The following ZNF563 variants were observed in gnomAD, a reference collection of about 807,000 sequenced individuals.
The protein encoded by ZNF563 is zinc finger protein 563.
ZNF563 carries 39 observed loss-of-function variants against 48.5 expected under a neutral mutation model. The ratio of observed to expected loss-of-function variants is 0.80; its 90% CI spans 0.62 to 1.05. The LOEUF is 1.05. Among genes scored for constraint, ZNF563 ranks in the 50% least tolerant of loss-of-function variants. The pLI, the probability that ZNF563 is intolerant of heterozygous loss-of-function variation, is 0.00. For synonymous variants in ZNF563, 168 were observed against 187.9 expected (o/e 0.89, Z 0.87); for missense variants, 538 against 597.0 (o/e 0.90, Z 1.03).
At chr19:12,324,459 T>C (rs1019924790) in intron 1 of ZNF563, among the ~76,000 whole-genome samples, 12 of 152,192 alleles carry the variant, frequency 7.9e-5, no homozygotes, top group Non-Finnish European at 1.3e-4. Context: ...GGCTCACACC[T>C]GTAATCCCAG....
At chr19:12,331,278 C>T (rs1461783684) in intron 1 of ZNF563, among the ~76,000 whole-genome samples, 3 of 152,142 alleles carry the variant, frequency 2.0e-5, no homozygotes, top group African/African-American at 7.2e-5. Context: ...AGACAAGTCT[C>T]ATTCAAGGGT....
At position 12,322,703 on chromosome 19, in the gene ZNF563, C is replaced by T. The variant is rs1180706223; in HGVS notation, c.12G>A (p.Val4=). MDA[V]AFEDVAVNFT... ...AGTTCACAGCCACATCCTCAAAGGCCACTGCGTCCTGAAACATCCCACATA... is the reference window on the plus strand; with the variant it reads ...AGTTCACAGCCACATCCTCAAAGGCTACTGCGTCCTGAAACATCCCACATA... The change falls in exon 2 of 4, where the codon GTG becomes GTA. Residue 4 remains valine, a synonymous_variant. Transcript: ENST00000293725. The T allele has an allele frequency of 6.2e-7, 1 of 1,603,934 alleles. No homozygotes were observed. Among genetic ancestry groups the T allele is most frequent in the African/African-American group, 1.3e-5 (1 of 74,510 alleles).
intron 3 of ZNF563, among the ~76,000 whole-genome samples, 159 bp downstream of exon 3, chr19:12,321,113 C>T (rs1480027622): frequency 6.6e-6 from 1 of 151,762 alleles, no homozygotes; most frequent in Non-Finnish European, 1.5e-5. Context: ...GCACTCCAGC[C>T]TGGGCAACAG....
At position 12,319,873 on chromosome 19, in the gene ZNF563, T is replaced by C. The variant is rs1006803762; in HGVS notation, c.192-40A>G. ...TAGTACGTTACTAAATAGTTGTTTCTAAATGATTATTTATTTATGTGTATT... is the reference window on the plus strand; with the variant it reads ...TAGTACGTTACTAAATAGTTGTTTCCAAATGATTATTTATTTATGTGTATT... On this transcript the variant is annotated intron_variant, in intron 3 of 3. Coordinates refer to ENST00000293725, the MANE Select transcript of ZNF563 (RefSeq NM_145276.3). 4 of 1,542,182 alleles carry C rather than the reference T, an allele frequency of 2.6e-6. No individual in the cohort carries two copies. The African/African-American group carries it at 5.5e-5, about 21-fold the overall frequency.
In ZNF563 at chr19:12,323,895, G is replaced by T. The variant is rs114120378; in HGVS notation, c.4-1184C>A. On this transcript the variant is annotated intron_variant, in intron 1 of 3. Coordinates refer to ENST00000293725, the MANE Select transcript of ZNF563 (RefSeq NM_145276.3). Reference sequence around the variant, plus strand: ...TAAGCATGACAAATAAATAATAAAAGATATTTCACCATCCCAATGGAAAAT... The same window carrying T: ...TAAGCATGACAAATAAATAATAAAATATATTTCACCATCCCAATGGAAAAT... Among the ~76,000 whole-genome samples, 586 of 152,218 alleles carry T rather than the reference G, an allele frequency of 3.8e-3. 8 individuals carry two copies. Among genetic ancestry groups the T allele is most frequent in the African/African-American group, 0.013 (556 of 41,538 alleles).
chr19:12,343,464 C>T, the ZNF563 span, among the ~76,000 whole-genome samples: 1 of 151,944 alleles, frequency 6.6e-6, no homozygotes, highest in Admixed American at 6.6e-5. Context: ...ATAGCAGGAC[C>T]CTGTCTTTAA....
At chr19:12,323,591 A>G (rs952999192) in intron 1 of ZNF563, among the ~76,000 whole-genome samples, 4 of 152,366 alleles carry the variant, frequency 2.6e-5, no homozygotes, top group Non-Finnish European at 5.9e-5. Flanking sequence ...CCAGATGCCC[A>G]GCCTTAACCT....
At chr19:12,321,411 C>A in intron 2 of ZNF563, 79 bp from the exon 3 acceptor site, 1 of 861,974 alleles carries the variant, frequency 1.2e-6, no homozygotes, top group East Asian at 3.2e-5. Flanking sequence ...ATACTGCAAT[C>A]ATACATGATT....
chr19:12,329,552 C>T lies in ZNF563; in HGVS notation c.3+3928G>A, dbSNP rs544841999. ...GAAAAGATCTGTAAAACTGATAAGC[C>T]GACAGCATAGTTAACACAGAAAAAA... On this transcript the variant is annotated intron_variant, in intron 1 of 3. Coordinates refer to ENST00000293725, the MANE Select transcript of ZNF563 (RefSeq NM_145276.3). Among the ~76,000 whole-genome samples the T allele has an allele frequency of 9.2e-5, 14 of 151,740 alleles. 2 individuals carry two copies. Among genetic ancestry groups the T allele is most frequent in the Admixed American group, 8.5e-4 (13 of 15,236 alleles).
At chr19:12,322,905 A>G (rs1000963585) in intron 1 of ZNF563, among the ~76,000 whole-genome samples, 194 bp from the exon 2 acceptor site, 1 of 152,236 alleles carries the variant, frequency 6.6e-6, no homozygotes, top group Non-Finnish European at 1.5e-5. Flanking sequence ...CATGTTTGGT[A>G]AAGTTACAGT....
At chr19:12,336,547 G>A (rs1316877315), upstream of ZNF563, among the ~76,000 whole-genome samples, 5 of 152,192 alleles carry the variant, frequency 3.3e-5, no homozygotes, top group African/African-American at 7.2e-5. Context: ...AGCTAAGATC[G>A]CACCATTGTA....
chr19:12,329,654 ATTT>A (rs1327140781), intron 1 of ZNF563, among the ~76,000 whole-genome samples: 1 of 152,126 alleles, frequency 6.6e-6, no homozygotes, highest in Non-Finnish European at 1.5e-5. Context: ...ATGCCCACAT[ATTT>A]GATAAATTAC....
chr19:12,325,469 C>CAA lies in ZNF563; in HGVS notation c.4-2760_4-2759dup, dbSNP rs36079909. ...TGGGCAATAGAGCAAGACTCCATCT[C>CAA]AAAAAAAAAAAAAAAAAAGACATAC... On this transcript the variant is annotated intron_variant, in intron 1 of 3. Transcript: ENST00000293725. Among the ~76,000 whole-genome samples the CAA allele has an allele frequency of 8.0e-3, 668 of 83,302 alleles. 7 individuals carry two copies. Among genetic ancestry groups the CAA allele is most frequent in the Middle Eastern group, 0.013 (2 of 160 alleles). The allele number at this position is 83,302 out of a possible 152,430, so 54.6% of individuals were successfully genotyped here. A position where few individuals can be genotyped will look rare whatever the true frequency, so the allele number is the denominator to read the frequency against.
the ZNF563 span, among the ~76,000 whole-genome samples, chr19:12,344,440 C>T: frequency 6.6e-6 from 1 of 151,172 alleles, no homozygotes; most frequent in Non-Finnish European, 1.5e-5. Context: ...TGTAATGTAC[C>T]ACATTAACGA....
chr19:12,318,862 G>A lies in ZNF563; in HGVS notation c.1163C>T (p.Thr388Ile). Residue 388 changes from threonine to isoleucine, a missense_variant, in exon 4 of 4, where the codon ACT (threonine) becomes ATT (isoleucine). Physicochemically the swap from Thr to Ile is moderately conservative, Grantham distance 89. Transcript: ENST00000293725. Reference sequence around the variant, plus strand: ...CTTGCATTTATGAGGTCCACCTCCAGTGTGCATTATCATGTGTCTTCGAAA... The same window carrying A: ...CTTGCATTTATGAGGTCCACCTCCAATGTGCATTATCATGTGTCTTCGAAA... Reference protein sequence around the residue: ...SSFRRHMIMHTGGGPHKCKIC... With the variant: ...SSFRRHMIMHIGGGPHKCKIC... 6.2e-7 allele frequency: 1 copy of A among 1,614,138 alleles called. No homozygotes were observed. The highest frequency in any genetic ancestry group is 8.5e-7 in the Non-Finnish European group (1 of 1,180,018).
Position 12,319,063 on chromosome 19 carries a change from A to T in ZNF563, c.962T>A (p.Leu321His). The change falls in exon 4 of 4, where the codon CTT (leucine) becomes CAT (histidine). Residue 321 changes from leucine to histidine, a missense_variant. Coordinates refer to ENST00000293725, the MANE Select transcript of ZNF563 (RefSeq NM_145276.3). ...CKQCGKTFHHLGSFQIHMKRH... is the reference protein window; with the variant it reads ...CKQCGKTFHHHGSFQIHMKRH... ...TTTCATGTGTATCTGAAAGCTTCCA[A>T]GATGATGAAATGTTTTCCCGCATTG... 1 of 1,614,068 alleles carries T rather than the reference A, an allele frequency of 6.2e-7. No homozygotes were observed. Among genetic ancestry groups the T allele is most frequent in the African/African-American group, 1.3e-5 (1 of 75,000 alleles).
upstream of ZNF563, among the ~76,000 whole-genome samples, chr19:12,335,899 C>T (rs973723921): frequency 6.6e-5 from 10 of 152,182 alleles, 1 homozygote; most frequent in South Asian, 2.1e-4. Flanking sequence ...CCTGGATATA[C>T]GCGTTAAATA....
Position 12,333,556 on chromosome 19 carries a change from G to A in ZNF563, c.-74C>T. 1.3e-6 allele frequency: 2 copies of A among 1,594,086 alleles called. No homozygotes were observed. The highest frequency in any genetic ancestry group is 1.7e-6 in the Non-Finnish European group (2 of 1,166,152). On this transcript the variant is annotated 5_prime_UTR_variant, in exon 1 of 4. Transcript: ENST00000293725. ...CAGTGCGGGTCCCACTGTGACAGAGGCTGCCACAGACGTTCCAGGGCGTCT... is the reference window on the plus strand; with the variant it reads ...CAGTGCGGGTCCCACTGTGACAGAGACTGCCACAGACGTTCCAGGGCGTCT...
At chr19:12,338,766 C>T in the ZNF563 span, among the ~76,000 whole-genome samples, 2 of 152,064 alleles carry the variant, frequency 1.3e-5, no homozygotes, top group Non-Finnish European at 2.9e-5. Context: ...GCAGGAGAAT[C>T]GCTTGAACCT....
Sources: gnomAD v4.1 joint callset for allele counts (sites outside exome capture counted in the v4.1 genomes callset) on GRCh38, gnomAD v4.1.1 for gene constraint, MANE v1.5 for transcripts, NCBI Gene and HGNC (gene_info 2026-07-23, HGNC 2026-07-21) for gene names.